The following AFAP1 variants were observed in gnomAD, a reference collection of about 807,000 sequenced individuals.
The protein encoded by AFAP1 is actin filament associated protein 1.
Under a neutral mutation model 93.9 loss-of-function variants are expected in AFAP1, and 75 were observed. That is an observed-to-expected ratio of 0.80 (90% CI 0.66 to 0.97). The LOEUF is 0.97. Ranked by LOEUF, AFAP1 falls within the 50% of genes least tolerant of loss-of-function variation. The pLI, the probability that AFAP1 is intolerant of heterozygous loss-of-function variation, is 0.00. For missense variants in AFAP1, 1,201 were observed against 1,050.8 expected, an observed-to-expected ratio of 1.14 and a Z score of -1.98; for synonymous variants, 517 against 430.7, an observed-to-expected ratio of 1.20 and a Z score of -2.48.
In AFAP1 at chr4:7,939,602, G is replaced by A. The variant is rs1198531234; in HGVS notation, c.-3+54C>T. 2.2e-5 allele frequency: 9 copies of A among 407,292 alleles called. No homozygotes were observed. The highest frequency in any genetic ancestry group is 2.4e-5 in the Non-Finnish European group (5 of 206,820). 25.2% of individuals were successfully genotyped at this position (407,292 alleles called of 1,614,324 possible). Reference sequence around the variant, plus strand: ...GCCCCGCTCGGAGCTTCCACGCCCGGGGCAGAGACCCCCGCCGGGTCCGGA... The same window carrying A: ...GCCCCGCTCGGAGCTTCCACGCCCGAGGCAGAGACCCCCGCCGGGTCCGGA... On this transcript the variant is annotated intron_variant, in intron 1 of 17. Transcript: ENST00000420658. This position sits in a 1 kb window ranked among gnomAD's most constrained non-coding sequence, Gnocchi z 5.6.
chr4:7,909,149 T>C (rs373231005), intron 1 of AFAP1, among the ~76,000 whole-genome samples: 1 of 152,240 alleles, frequency 6.6e-6, no homozygotes, highest in Admixed American at 6.5e-5. Flanking sequence ...GGTGGTGTCA[T>C]AATAACTTTA....
At chr4:7,777,683 T>A (rs1716288825) in intron 14 of AFAP1, 1 of 152,226 alleles carries the variant, frequency 6.6e-6, no homozygotes, top group Non-Finnish European at 1.5e-5. Flanking sequence ...AAATCCCAAG[T>A]GGCGATGGCA....
intron 1 of AFAP1, among the ~76,000 whole-genome samples, chr4:7,905,370 T>A (rs1719342514): frequency 6.6e-6 from 1 of 152,250 alleles, no homozygotes. Flanking sequence ...AAAGGAAGTG[T>A]GACTTTTATA....
chr4:7,762,999 C>T lies in AFAP1; in HGVS notation c.*766G>A, dbSNP rs1714029265. ...GTTAGTGAAGTATTAAAACCCTCTG[C>T]TACCTGTCAAAAGCAGCACAAATAA... On this transcript the variant is annotated 3_prime_UTR_variant, in exon 18 of 18. Transcript: ENST00000420658. 1 of 152,152 alleles carries T rather than the reference C, an allele frequency of 6.6e-6. No individual in the cohort carries two copies. The highest frequency in any genetic ancestry group is 2.4e-5 in the African/African-American group (1 of 41,404). 9.4% of individuals were successfully genotyped at this position (152,152 alleles called of 1,614,324 possible).
In AFAP1 at chr4:7,867,429, G is replaced by A. The variant is rs114036667; in HGVS notation, c.225+1193C>T. On this transcript the variant is annotated intron_variant, in intron 3 of 17. Coordinates refer to ENST00000420658, the MANE Select transcript of AFAP1 (RefSeq NM_001134647.2). The stretch of plus-strand genomic sequence containing the variant: ...GCGGGAAGCAGGCGGCCTTCCTCCT[G>A]AACTGCCCCTGCAGCCTACAGCCAC... Among the ~76,000 whole-genome samples, 518 of 152,182 alleles carry A rather than the reference G, an allele frequency of 3.4e-3. 4 individuals carry two copies. The highest frequency in any genetic ancestry group is 4.2e-3 in the Non-Finnish European group (287 of 67,990).
At chr4:7,848,410 G>A (rs931660017) in intron 4 of AFAP1, among the ~76,000 whole-genome samples, 2 of 152,180 alleles carry the variant, frequency 1.3e-5, no homozygotes, top group African/African-American at 4.8e-5. Context: ...GGCAGATGGT[G>A]AAACTCTCCG....
At chr4:7,800,870 G>A (rs1456433745) in intron 9 of AFAP1, among the ~76,000 whole-genome samples, 3 of 152,228 alleles carry the variant, frequency 2.0e-5, no homozygotes, top group Admixed American at 6.5e-5. Context: ...CACACAGGCC[G>A]TATCTGGAAG....
chr4:7,888,802 G>GT (rs71175438), intron 1 of AFAP1, among the ~76,000 whole-genome samples: 2 of 151,862 alleles, frequency 1.3e-5, no homozygotes, highest in African/African-American at 4.8e-5. Context: ...TGTTGTTGTT[G>GT]TTTTTTGAAA....
chr4:7,898,808 AGTGTGTGT>A (rs56404898), intron 1 of AFAP1, among the ~76,000 whole-genome samples: 12 of 137,026 alleles, frequency 8.8e-5, no homozygotes, highest in South Asian at 2.4e-4. Flanking sequence ...GGGCAGTAGA[AGTGTGTGT>A]GTGTGTGTGT....
At chr4:7,907,674 C>G (rs28425587) in intron 1 of AFAP1, among the ~76,000 whole-genome samples, 19,652 of 151,986 alleles carry the variant, frequency 0.13, 2,090 homozygotes, top group East Asian at 0.49. Context: ...TGGAGCAGCT[C>G]AGATTTTGGA....
chr4:7,898,170 T>G (rs543168033), intron 1 of AFAP1, among the ~76,000 whole-genome samples: 3 of 152,084 alleles, frequency 2.0e-5, no homozygotes, highest in South Asian at 4.2e-4. Flanking sequence ...AGCACTTTGG[T>G]AGGCCAAGGC....
rs115098052 is a variant in AFAP1, at chr4:7,911,923, C to T, written c.-3+27733G>A. Reference sequence around the variant, plus strand: ...TGGAAAGATTGTTCCAATGGCAACACGGGGAATGAAATATAGAAAGGATTC... The same window carrying T: ...TGGAAAGATTGTTCCAATGGCAACATGGGGAATGAAATATAGAAAGGATTC... On this transcript the variant is annotated intron_variant, in intron 1 of 17. Transcript: ENST00000420658. Among the ~76,000 whole-genome samples, 1,112 of 152,170 alleles carry T rather than the reference C, an allele frequency of 7.3e-3. 8 individuals carry two copies. The highest frequency in any genetic ancestry group is 0.024 in the African/African-American group (998 of 41,508).
In AFAP1 at chr4:7,859,803, A is replaced by C. The variant is rs531111961; in HGVS notation, c.226-4229T>G. On this transcript the variant is annotated intron_variant, in intron 3 of 17. Coordinates refer to ENST00000420658, the MANE Select transcript of AFAP1 (RefSeq NM_001134647.2). Reference sequence around the variant, plus strand: ...TAATTTTAATTCTCGTCTTTTGGAAAGGAAAGCCCATTGGTATCTGTCTTT... The same window carrying C: ...TAATTTTAATTCTCGTCTTTTGGAACGGAAAGCCCATTGGTATCTGTCTTT... 5.9e-5 allele frequency among the ~76,000 whole-genome samples: 9 copies of C among 152,318 alleles called. No individual in the cohort carries two copies. In the East Asian group the frequency reaches 1.5e-3, roughly 26 times the overall value.
At chr4:7,787,297 A>G (rs1717393115) in intron 11 of AFAP1, among the ~76,000 whole-genome samples, 1 of 152,232 alleles carries the variant, frequency 6.6e-6, no homozygotes, top group South Asian at 2.1e-4. Flanking sequence ...TGCCCGGCGC[A>G]CCTCTTCCCT....
At chr4:7,861,419 A>C (rs1220742561) in intron 3 of AFAP1, among the ~76,000 whole-genome samples, 3 of 152,232 alleles carry the variant, frequency 2.0e-5, no homozygotes, top group African/African-American at 4.8e-5. Flanking sequence ...CCTAACACTA[A>C]GAATTCTGAG....
chr4:7,816,299 GA>G (rs1209899960), intron 7 of AFAP1, among the ~76,000 whole-genome samples, 200 bp from the exon 8 acceptor site: 2 of 148,636 alleles, frequency 1.3e-5, no homozygotes, highest in East Asian at 2.0e-4. Context: ...TCCAGAGGGG[GA>G]AAAAAAAAGA....
chr4:7,824,920 G>A (rs1316336907), intron 6 of AFAP1, among the ~76,000 whole-genome samples: 1 of 152,132 alleles, frequency 6.6e-6, no homozygotes, highest in Non-Finnish European at 1.5e-5. Flanking sequence ...AATTTATACA[G>A]ATCTTTTCCA....
At position 7,863,750 on chromosome 4, in the gene AFAP1, G is replaced by A. The variant is rs546644831; in HGVS notation, c.225+4872C>T. On this transcript the variant is annotated intron_variant, in intron 3 of 17. Transcript: ENST00000420658. ...TGAAGCACTATTAGACACTAAAAAG[G>A]ATAAAAAAGTAAAAGACAACCTTAT... is the stretch of plus-strand genomic sequence containing the variant. 1.3e-3 allele frequency among the ~76,000 whole-genome samples: 193 copies of A among 149,940 alleles called. 2 individuals are homozygous for A. Among genetic ancestry groups the A allele is most frequent in the South Asian group, 3.3e-3 (16 of 4,822 alleles).
At chr4:7,886,090 G>C (rs1718125178) in intron 1 of AFAP1, among the ~76,000 whole-genome samples, 2 of 152,180 alleles carry the variant, frequency 1.3e-5, no homozygotes, top group Non-Finnish European at 1.5e-5. Context: ...CATAGCTTTA[G>C]GCACTGTCTG....
Sources: allele counts gnomAD v4.1 joint callset (sites outside exome capture counted in the v4.1 genomes callset), GRCh38; gene constraint gnomAD v4.1.1; non-coding constraint Gnocchi (gnomAD v3.1); transcripts MANE v1.5; gene names NCBI Gene and HGNC (gene_info 2026-07-23, HGNC 2026-07-21).